IQCM: variants seen among roughly 807,000 people sequenced by gnomAD.
The protein encoded by IQCM is IQ domain-containing protein M.
Under a neutral mutation model 57.6 loss-of-function variants are expected in IQCM, and 45 were observed. The observed-to-expected ratio is 0.78, with a 90% CI of 0.62 to 1.00. IQCM has a LOEUF of 1.00. IQCM is among the 50% of genes least tolerant of loss of function. IQCM has a pLI of 0.00. For synonymous variants in IQCM, 148 were observed against 158.9 expected, an observed-to-expected ratio of 0.93 and a Z score of 0.51; for missense variants, 468 against 511.6, an observed-to-expected ratio of 0.91 and a Z score of 0.82.
chr4:149,657,553 G>A (rs1759744957), intron 7 of IQCM, among the ~76,000 whole-genome samples: 2 of 151,988 alleles, frequency 1.3e-5, no homozygotes, highest in Non-Finnish European at 2.9e-5. Context: ...ATCATGTCAG[G>A]TCTATTTTTA....
chr4:149,735,973 A>C (rs1373427888), intron 3 of IQCM, among the ~76,000 whole-genome samples: 1 of 147,278 alleles, frequency 6.8e-6, no homozygotes, highest in African/African-American at 2.5e-5. Flanking sequence ...TGTGAGACAG[A>C]GTCTCCCTCT....
intron 2 of IQCM, among the ~76,000 whole-genome samples, chr4:149,795,294 G>C (rs571019381): frequency 2.2e-4 from 33 of 152,238 alleles, no homozygotes; most frequent in African/African-American, 7.7e-4. Context: ...GGGAAGGAGA[G>C]GACTGCAATT....
intron 2 of IQCM, among the ~76,000 whole-genome samples, chr4:149,754,920 T>C (rs1768821957): frequency 6.6e-6 from 1 of 152,158 alleles, no homozygotes; most frequent in Non-Finnish European, 1.5e-5. Context: ...ATTTTACACA[T>C]CAAAACTGAG....
At chr4:149,489,915 T>C (rs969783485) in intron 12 of IQCM, among the ~76,000 whole-genome samples, 2 of 151,978 alleles carry the variant, frequency 1.3e-5, no homozygotes, top group African/African-American at 4.8e-5. Flanking sequence ...ATACAAGCTA[T>C]ACATAAAAAT....
intron 8 of IQCM, among the ~76,000 whole-genome samples, chr4:149,618,096 A>C (rs1174481511): frequency 6.6e-6 from 1 of 152,240 alleles, no homozygotes; most frequent in Non-Finnish European, 1.5e-5. Flanking sequence ...ACATTACCTG[A>C]CTTCAAATTA....
intron 13 of IQCM, among the ~76,000 whole-genome samples, chr4:149,391,568 T>G (rs1731858919): frequency 6.6e-6 from 1 of 151,946 alleles, no homozygotes; most frequent in Non-Finnish European, 1.5e-5. Context: ...ACTTCTGGAT[T>G]CATAAGGTAG....
chr4:149,573,524 C>T (rs182418043), intron 9 of IQCM, among the ~76,000 whole-genome samples: 17 of 151,778 alleles, frequency 1.1e-4, no homozygotes, highest in African/African-American at 3.9e-4. Context: ...AATAGGCTAG[C>T]GTTCACTGTG....
intron 13 of IQCM, among the ~76,000 whole-genome samples, chr4:149,408,002 T>A (rs1021884713): frequency 7.2e-5 from 11 of 152,154 alleles, no homozygotes; most frequent in African/African-American, 2.7e-4. Flanking sequence ...CTCACCAACA[T>A]CTGCTGTTTT....
chr4:149,373,244 C>T (rs1450664787), intron 13 of IQCM, among the ~76,000 whole-genome samples: 1 of 152,060 alleles, frequency 6.6e-6, no homozygotes, highest in East Asian at 1.9e-4. Flanking sequence ...AAATTTTACA[C>T]ATGAGGAAAC....
chr4:149,660,582 C>G (rs1760094848), intron 7 of IQCM, among the ~76,000 whole-genome samples: 1 of 152,120 alleles, frequency 6.6e-6, no homozygotes, highest in African/African-American at 2.4e-5. Context: ...GGAACCAACC[C>G]AAATGTCCAA....
intron 12 of IQCM, among the ~76,000 whole-genome samples, chr4:149,459,043 G>A (rs1737999142): frequency 6.6e-6 from 1 of 152,150 alleles, no homozygotes; most frequent in Non-Finnish European, 1.5e-5. Context: ...CCCTGCCTGA[G>A]GCTTTCAAAA....
intron 2 of IQCM, among the ~76,000 whole-genome samples, chr4:149,753,743 A>G (rs1339206325): frequency 6.8e-6 from 1 of 147,346 alleles, no homozygotes; most frequent in African/African-American, 2.5e-5. Flanking sequence ...AAAATAAAAT[A>G]AAAACACTGA....
intron 9 of IQCM, among the ~76,000 whole-genome samples, chr4:149,568,248 G>A (rs1346020814): frequency 6.6e-6 from 1 of 152,066 alleles, no homozygotes; most frequent in African/African-American, 2.4e-5. Flanking sequence ...GCCTTTGCTG[G>A]GAGAGACGTC....
chr4:149,680,399 A>G (rs962292418), intron 7 of IQCM, among the ~76,000 whole-genome samples: 6 of 151,382 alleles, frequency 4.0e-5, no homozygotes, highest in African/African-American at 1.4e-4. Context: ...TCTATGTATA[A>G]TCAGTTTTTA....
intron 13 of IQCM, among the ~76,000 whole-genome samples, chr4:149,416,222 G>A (rs2111195793): frequency 6.6e-6 from 1 of 152,080 alleles, no homozygotes; most frequent in Admixed American, 6.6e-5. Flanking sequence ...CTCTCTGTCT[G>A]TCTCCCTCCC....
intron 9 of IQCM, among the ~76,000 whole-genome samples, chr4:149,569,766 C>T (rs1182229231): frequency 2.6e-5 from 4 of 151,958 alleles, no homozygotes; most frequent in East Asian, 1.9e-4. Flanking sequence ...AGAACTGATT[C>T]GGGATTTCAG....
At chr4:149,812,480 T>A (rs9994794) in intron 2 of IQCM, among the ~76,000 whole-genome samples, 5,847 of 138,736 alleles carry the variant, frequency 0.042, 432 homozygotes, top group African/African-American at 0.14. Context: ...TCTCTCTCTC[T>A]CACACACACA....
At position 149,697,971 on chromosome 4, in the gene IQCM, T is replaced by C. The variant is rs577487306; in HGVS notation, c.386-11503A>G. On this transcript the variant is annotated intron_variant, in intron 5 of 13. Coordinates refer to ENST00000636793, the MANE Select transcript of IQCM (RefSeq NM_001363507.2). ...CATTATAAATCAGAAGCCCAATAAA[T>C]ATTAATTGGATAAATGAAATAATTT... Among the ~76,000 whole-genome samples the C allele has an allele frequency of 1.2e-4, 18 of 152,262 alleles. No individual in the cohort carries two copies. In the South Asian group the frequency reaches 3.3e-3, roughly 28 times the overall value.
At chr4:149,564,607 A>G (rs966040088) in intron 9 of IQCM, among the ~76,000 whole-genome samples, 2 of 152,162 alleles carry the variant, frequency 1.3e-5, no homozygotes, top group African/African-American at 4.8e-5. Flanking sequence ...CAGTGCAGCT[A>G]GAATATAAGC....
Sources: allele counts gnomAD v4.1 joint callset (sites outside exome capture counted in the v4.1 genomes callset), GRCh38; gene constraint gnomAD v4.1.1; transcripts MANE v1.5; gene names NCBI Gene and HGNC (gene_info 2026-07-23, HGNC 2026-07-21).